Variants in WDPCP observed in about 807,000 individuals in gnomAD.
WDPCP encodes the protein WD repeat containing planar cell polarity effector.
In WDPCP, 71 loss-of-function variants were observed where a neutral mutation model predicts 93.1. The observed-to-expected ratio is 0.76, with a 90% CI of 0.63 to 0.93. The LOEUF is 0.93. Among genes scored for constraint, WDPCP ranks in the 40% least tolerant of loss-of-function variants. WDPCP has a pLI of 0.00. For missense variants in WDPCP, 844 were observed against 887.4 expected (o/e 0.95, Z 0.62); for synonymous variants, 315 against 315.0 (o/e 1.00, Z 0.00).
At chr2:63,794,294 G>A (rs1168611239) in intron 2 of WDPCP, among the ~76,000 whole-genome samples, 2 of 152,146 alleles carry the variant, frequency 1.3e-5, no homozygotes, top group African/African-American at 4.8e-5. Context: ...ATTGACCCCA[G>A]CAATGGAGAC....
chr2:63,541,104 G>A (rs546553025), intron 1 of WDPCP, among the ~76,000 whole-genome samples: 2 of 152,168 alleles, frequency 1.3e-5, no homozygotes, highest in East Asian at 3.9e-4. Context: ...CTCTTGAGTG[G>A]CTGGGACTAC....
intron 1 of WDPCP, among the ~76,000 whole-genome samples, chr2:63,575,463 A>ATACACTGTATATACAGTGTATACAGCG (rs1248571874): frequency 6.9e-5 from 2 of 29,152 alleles, no homozygotes; most frequent in Non-Finnish European, 1.1e-4. Context: ...TATACAGTAT[A>ATACACTGTATATACAGTGTATACAGCG]TATGCAGTAT....
intron 14 of WDPCP, 42 bp downstream of exon 14, chr2:63,259,265 T>G (rs1042324353): frequency 6.8e-7 from 1 of 1,480,968 alleles, no homozygotes; most frequent in African/African-American, 1.4e-5. Flanking sequence ...TACTAACTAT[T>G]GATTAAAATA....
At chr2:63,331,429 G>T (rs531930863) in intron 12 of WDPCP, among the ~76,000 whole-genome samples, 3 of 152,218 alleles carry the variant, frequency 2.0e-5, no homozygotes, top group African/African-American at 7.2e-5. Flanking sequence ...GACTGTTTGG[G>T]TTAATTTTCC....
chr2:63,823,197 C>CA, intron 1 of WDPCP, among the ~76,000 whole-genome samples: 1 of 140,860 alleles, frequency 7.1e-6, no homozygotes, highest in South Asian at 2.2e-4. Flanking sequence ...AAAAGTTTCA[C>CA]CCAAAAAAAA....
chr2:63,703,686 T>C (rs1669099856), intron 2 of WDPCP, among the ~76,000 whole-genome samples: 1 of 152,200 alleles, frequency 6.6e-6, no homozygotes, highest in Admixed American at 6.5e-5. Flanking sequence ...AGTACCATGC[T>C]GTTTTGGTTA....
Position 63,685,597 on chromosome 2 carries a change from C to T in WDPCP, n.309-34759G>A, listed in dbSNP as rs114901622. On this transcript the variant is annotated intron_variant and non_coding_transcript_variant, in intron 2 of 4. Transcript: ENST00000467687. Reference sequence around the variant, plus strand: ...TAGGTGAAGGGAATACTTCCAAATGCGTTCTGTGACGACAGTATAATCCCG... The same window carrying T: ...TAGGTGAAGGGAATACTTCCAAATGTGTTCTGTGACGACAGTATAATCCCG... 2.6e-3 allele frequency among the ~76,000 whole-genome samples: 395 copies of T among 152,234 alleles called. 3 individuals carry two copies. The highest frequency in any genetic ancestry group is 8.7e-3 in the African/African-American group (360 of 41,538).
chr2:63,168,989 T>C (rs1673194709), intron 15 of WDPCP: 1 of 152,226 alleles, frequency 6.6e-6, no homozygotes, highest in African/African-American at 2.4e-5. Context: ...TGAGATTTTA[T>C]TGTCTCTTTT....
intron 10 of WDPCP, among the ~76,000 whole-genome samples, chr2:63,391,281 C>T (rs377068548): frequency 1.6e-4 from 25 of 152,090 alleles, no homozygotes; most frequent in East Asian, 1.2e-3. Flanking sequence ...ACAGAACCAA[C>T]GACAAAAACC....
rs148312028 is a variant in WDPCP, at chr2:63,714,699, C to T, written n.309-63861G>A. ...AAAAAATTAGCCGGGCATGGTGGCA[C>T]GCACCTGTACTCCCAGCTACTTGGG... On this transcript the variant is annotated intron_variant and non_coding_transcript_variant, in intron 2 of 4. Coordinates refer to the WDPCP transcript ENST00000467687. Among the ~76,000 whole-genome samples, 173 of 152,138 alleles carry T rather than the reference C, an allele frequency of 1.1e-3. 1 individual carries two copies. Among genetic ancestry groups the T allele is most frequent in the African/African-American group, 3.9e-3 (160 of 41,518 alleles).
chr2:63,425,276 A>G (rs114036443), intron 9 of WDPCP, among the ~76,000 whole-genome samples: 104 of 152,360 alleles, frequency 6.8e-4, no homozygotes, highest in African/African-American at 2.4e-3. Context: ...GCCCGCTCAG[A>G]TGAGAAAGGA....
At chr2:63,405,544 T>TGG in intron 9 of WDPCP, among the ~76,000 whole-genome samples, 1 of 144,484 alleles carries the variant, frequency 6.9e-6, no homozygotes, top group Admixed American at 6.9e-5. Flanking sequence ...TGTGTGTGTG[T>TGG]GTGTGTGTGT....
At chr2:63,461,941 G>T (rs751630854) in intron 6 of WDPCP, among the ~76,000 whole-genome samples, 2 of 152,168 alleles carry the variant, frequency 1.3e-5, no homozygotes, top group African/African-American at 4.8e-5. Context: ...AGACAGTGTG[G>T]CAATTCCTCA....
intron 9 of WDPCP, among the ~76,000 whole-genome samples, chr2:63,430,897 T>G (rs993037759): frequency 1.2e-4 from 18 of 152,192 alleles, no homozygotes; most frequent in Admixed American, 6.5e-4. Flanking sequence ...ATGTGTGGAC[T>G]GTTGTTTAGA....
chr2:63,678,914 C>T (rs262533), intron 2 of WDPCP, among the ~76,000 whole-genome samples: 1 of 152,120 alleles, frequency 6.6e-6, no homozygotes, highest in Admixed American at 6.5e-5. Flanking sequence ...CTGATCCCTG[C>T]TACATGCTTC....
intron 13 of WDPCP, among the ~76,000 whole-genome samples, chr2:63,263,389 TGTTATCACAGGAGTGGGTTA>T (rs1681819246): frequency 1.3e-5 from 2 of 152,210 alleles, no homozygotes; most frequent in Admixed American, 6.5e-5. Flanking sequence ...AAATTAATGC[TGTTATCACAGGAGTGGGTTA>T]GTTATCAAAA....
chr2:63,304,908 G>C (rs1488376950), intron 13 of WDPCP, among the ~76,000 whole-genome samples: 1 of 152,074 alleles, frequency 6.6e-6, no homozygotes. Context: ...AGCCTGGTGG[G>C]GAGAGCGGCA....
At chr2:63,664,640 G>C (rs1710263875) in intron 2 of WDPCP, among the ~76,000 whole-genome samples, 1 of 152,164 alleles carries the variant, frequency 6.6e-6, no homozygotes, top group Non-Finnish European at 1.5e-5. Flanking sequence ...ATGTAGGGAA[G>C]GGGGTGAAAT....
At chr2:63,512,709 A>C (rs1215454278) in intron 1 of WDPCP, among the ~76,000 whole-genome samples, 1 of 152,086 alleles carries the variant, frequency 6.6e-6, no homozygotes, top group Non-Finnish European at 1.5e-5. Context: ...ATATGGGCAC[A>C]GGGAGGGGAA....
Sources: allele counts gnomAD v4.1 joint callset (sites outside exome capture counted in the v4.1 genomes callset), GRCh38; gene constraint gnomAD v4.1.1; transcripts MANE v1.5; gene names NCBI Gene and HGNC (gene_info 2026-07-23, HGNC 2026-07-21).